EDRF1: variants seen among roughly 807,000 people sequenced by gnomAD.
The protein encoded by EDRF1 is erythroid differentiation regulatory factor 1, also known as erythroid differentiation-related factor 1.
Under a neutral mutation model 148.7 loss-of-function variants are expected in EDRF1, and 69 were observed. The ratio of observed to expected loss-of-function variants is 0.46; its 90% confidence interval spans 0.38 to 0.57. EDRF1 has a LOEUF of 0.57. Ranked by LOEUF, EDRF1 falls within the 20% of genes least tolerant of loss-of-function variation. The pLI is 0.00. For synonymous variants in EDRF1, 515 were observed against 532.8 expected (o/e 0.97, Z 0.46); for missense variants, 1,118 against 1,478.7 (o/e 0.76, Z 4.00).
At chr10:125,724,031 A>T in intron 4 of EDRF1, 95 bp downstream of exon 4, 1 of 1,407,448 alleles carries the variant, frequency 7.1e-7, no homozygotes, top group Non-Finnish European at 1.0e-6. Context: ...GTGGAAATGT[A>T]GTTGAGTACT....
At chr10:125,757,581 C>T (rs1849969606) in intron 24 of EDRF1, among the ~76,000 whole-genome samples, 2 of 152,186 alleles carry the variant, frequency 1.3e-5, no homozygotes, top group Non-Finnish European at 2.9e-5. Context: ...CATCATATTC[C>T]TTCTGCCTGA....
chr10:125,722,764 G>A (rs1258218192), intron 2 of EDRF1, among the ~76,000 whole-genome samples: 2 of 152,030 alleles, frequency 1.3e-5, no homozygotes, highest in Non-Finnish European at 2.9e-5. Flanking sequence ...TTTGAGTTTT[G>A]TGATTACAAA....
chr10:125,747,164 G>C (rs1008071251), intron 19 of EDRF1: 2 of 198,034 alleles, frequency 1.0e-5, no homozygotes, highest in Non-Finnish European at 1.0e-5. Flanking sequence ...TTCTTTTTAC[G>C]TAAAATTTGG....
intron 24 of EDRF1, chr10:125,756,829 T>C (rs2133763477): frequency 2.3e-6 from 1 of 435,758 alleles, no homozygotes; most frequent in Non-Finnish European, 4.6e-6. Context: ...TTTAGTTTTT[T>C]TGAGACAAGG....
Position 125,763,631 on chromosome 10 carries a change from G to C in EDRF1, c.*159G>C. 1.2e-6 allele frequency: 1 copy of C among 832,268 alleles called. No individual in the cohort carries two copies. The highest frequency in any genetic ancestry group is 1.9e-6 in the Non-Finnish European group (1 of 534,552). 51.6% of individuals were successfully genotyped at this position (832,268 alleles called of 1,614,324 possible). A position where few individuals can be genotyped will look rare whatever the true frequency, so the allele number is the denominator to read the frequency against. ...TATTTTAAGTGACAGACAAATTACG[G>C]TTGAGTTCTGTGGCTTCTTCACTTG... On this transcript the variant is annotated 3_prime_UTR_variant, in exon 25 of 25. Transcript: ENST00000356792. This position sits in a 1 kb window ranked among gnomAD's most constrained non-coding sequence, Gnocchi z 4.3.
At chr10:125,751,417 T>TTG (rs1554875848) in intron 22 of EDRF1, among the ~76,000 whole-genome samples, 1 of 146,162 alleles carries the variant, frequency 6.8e-6, no homozygotes, top group African/African-American at 2.5e-5. Context: ...TTTTTTTTTG[T>TTG]TTTTTTTTTC....
chr10:125,725,980 A>G (rs1234833023), intron 6 of EDRF1, 142 bp downstream of exon 6: 2 of 939,928 alleles, frequency 2.1e-6, no homozygotes, highest in Non-Finnish European at 3.2e-6. Context: ...ACTTCTGTCA[A>G]TTTATGGAAT....
At position 125,738,459 on chromosome 10, in the gene EDRF1, A is replaced by G; in HGVS notation, c.1981+14A>G. ...TTTTGGACAAAAGTAAGTTGAATTG[A>G]TGTGCAAATAAGGCCTTCAATAGAA... On this transcript the variant is annotated intron_variant, in intron 15 of 24. Coordinates refer to ENST00000356792, the MANE Select transcript of EDRF1 (RefSeq NM_001202438.2). 2.5e-6 allele frequency: 4 copies of G among 1,614,020 alleles called. No homozygotes were observed. The highest frequency in any genetic ancestry group is 3.4e-6 in the Non-Finnish European group (4 of 1,179,928).
intron 24 of EDRF1, among the ~76,000 whole-genome samples, chr10:125,758,849 T>C (rs1394651940): frequency 6.6e-6 from 1 of 152,118 alleles, no homozygotes; most frequent in African/African-American, 2.4e-5. Flanking sequence ...AGGCAGACAC[T>C]CGTGTCCCTG....
intron 2 of EDRF1, 84 bp downstream of exon 2, chr10:125,721,496 C>G (rs1848002369): frequency 8.0e-7 from 1 of 1,251,182 alleles, no homozygotes; most frequent in Admixed American, 1.9e-5. Flanking sequence ...GTTTGTAATG[C>G]CTATTAACTT....
intron 21 of EDRF1, 61 bp from the exon 22 acceptor site, chr10:125,749,351 C>T (rs1849531700): frequency 6.2e-7 from 1 of 1,603,006 alleles, no homozygotes; most frequent in Non-Finnish European, 8.5e-7. Context: ...CTAAGAAGCA[C>T]TTAGTGAAGC....
At chr10:125,753,913 A>T in intron 24 of EDRF1, 68 bp downstream of exon 24, 2 of 1,560,722 alleles carry the variant, frequency 1.3e-6, no homozygotes, top group Non-Finnish European at 1.8e-6. Flanking sequence ...TTCTCTACTA[A>T]CATCATAAAG....
Position 125,725,383 on chromosome 10 carries a change from G to A in EDRF1, c.576G>A (p.Lys192=). 1 of 1,613,968 alleles carries A rather than the reference G, an allele frequency of 6.2e-7. No individual in the cohort carries two copies. Among genetic ancestry groups the A allele is most frequent in the Non-Finnish European group, 8.5e-7 (1 of 1,179,940 alleles). Residue 192 remains lysine (K), a synonymous_variant, in exon 5 of 25, where the codon AAG becomes AAA. Coordinates refer to ENST00000356792, the MANE Select transcript of EDRF1 (RefSeq NM_001202438.2). ...TCATTGATCAGAAGTGGCAGAGGAA[G>A]AAAAAGAGCAAAGAGCACTGGTATC... ...QRLIDQKWQR[K]KKSKEHWYQK...
chr10:125,759,860 G>A (rs1187260189), intron 24 of EDRF1, among the ~76,000 whole-genome samples: 6 of 151,992 alleles, frequency 3.9e-5, no homozygotes, highest in Non-Finnish European at 4.4e-5. Flanking sequence ...ACAGGCATCC[G>A]CCACCACACC....
At chr10:125,758,983 A>G (rs1850058933) in intron 24 of EDRF1, among the ~76,000 whole-genome samples, 1 of 151,802 alleles carries the variant, frequency 6.6e-6, no homozygotes, top group South Asian at 2.1e-4. Context: ...GGCAGGGTTC[A>G]TTGTCTTCCC....
At chr10:125,760,473 C>G (rs913058667) in intron 24 of EDRF1, among the ~76,000 whole-genome samples, 1 of 152,142 alleles carries the variant, frequency 6.6e-6, no homozygotes, top group Non-Finnish European at 1.5e-5. Flanking sequence ...CACATACAAT[C>G]TTATTTAGCT....
Position 125,743,065 on chromosome 10 carries a change from A to G in EDRF1, c.2379A>G (p.Ala793=), listed in dbSNP as rs184527351. 147 of 1,613,640 alleles carry G rather than the reference A, an allele frequency of 9.1e-5. 4 individuals carry two copies. The East Asian group carries it at 1.4e-3, about 15-fold the overall frequency. The change falls in exon 18 of 25, where the codon GCA becomes GCG. Residue 793 remains alanine (A), a synonymous_variant. Transcript: ENST00000356792. ...TCCCTTTTTTCTTTTCAGGATTTGCATGGGCAACTGATTTGTCTACAGACT... is the reference window on the plus strand; with the variant it reads ...TCCCTTTTTTCTTTTCAGGATTTGCGTGGGCAACTGATTTGTCTACAGACT... The part of the protein sequence containing the change: ...LHRESSCQGF[A]WATDLSTDLE...
Position 125,743,072 on chromosome 10 carries a change from A to T in EDRF1, c.2386A>T (p.Thr796Ser). 1 of 1,613,712 alleles carries T rather than the reference A, an allele frequency of 6.2e-7. No individual in the cohort carries two copies. The highest frequency in any genetic ancestry group is 8.5e-7 in the Non-Finnish European group (1 of 1,179,916). The change falls in exon 18 of 25, where the codon ACT becomes TCT. Residue 796 changes from threonine to serine, a missense_variant. By Grantham distance (58) the Thr-to-Ser change is moderately conservative (BLOSUM62 1). This residue lies in a region of EDRF1 where 954 missense variants were observed against 1,241.4 expected (regional missense o/e 0.77). Transcript: ENST00000356792. ...ESSCQGFAWA[T>S]DLSTDLESQL... ...TTTCTTTTCAGGATTTGCATGGGCA[A>T]CTGATTTGTCTACAGACTTAGAAAG... is the stretch of plus-strand genomic sequence containing the variant.
chr10:125,730,163 G>A (rs1010992461), intron 8 of EDRF1, 125 bp from the exon 9 acceptor site: 19 of 715,780 alleles, frequency 2.7e-5, no homozygotes, highest in Non-Finnish European at 4.6e-5. Flanking sequence ...AGAAAAGAAA[G>A]CATAGATGGC....
Sources: gnomAD v4.1 joint callset for allele counts (sites outside exome capture counted in the v4.1 genomes callset) on GRCh38, gnomAD v4.1.1 for gene constraint, gnomAD v4.1.1 regional missense constraint, Gnocchi (gnomAD v3.1) non-coding constraint, MANE v1.5 for transcripts, NCBI Gene and HGNC (gene_info 2026-07-23, HGNC 2026-07-21) for gene names.